Variants in TTLL5 observed in about 807,000 individuals in gnomAD.
The protein encoded by TTLL5 is tubulin tyrosine ligase like 5.
In TTLL5, 132 loss-of-function variants were observed where a neutral mutation model predicts 168.4. The ratio of observed to expected loss-of-function variants is 0.78; its 90% CI spans 0.68 to 0.91. The LOEUF (loss-of-function observed/expected upper bound fraction) is 0.91. TTLL5 is among the 40% of genes least tolerant of loss of function. TTLL5 has a pLI of 0.00. For missense variants in TTLL5, 1,545 were observed against 1,581.5 expected (o/e 0.98, Z 0.39); for synonymous variants, 546 against 558.6 (o/e 0.98, Z 0.32).
intron 28 of TTLL5, among the ~76,000 whole-genome samples, chr14:75,841,217 C>A (rs1896220289): frequency 6.6e-6 from 1 of 152,182 alleles, no homozygotes; most frequent in Admixed American, 6.5e-5. Flanking sequence ...AACAGCCAAA[C>A]CGTATCACCT....
chr14:75,775,667 C>T, intron 22 of TTLL5, 37 bp downstream of exon 22: 1 of 1,610,084 alleles, frequency 6.2e-7, no homozygotes, highest in Non-Finnish European at 8.5e-7. Flanking sequence ...CTTTGGATTG[C>T]CATACACTGT....
intron 7 of TTLL5, among the ~76,000 whole-genome samples, chr14:75,704,148 A>G (rs1566820864): frequency 6.6e-6 from 1 of 152,250 alleles, no homozygotes; most frequent in Non-Finnish European, 1.5e-5. Flanking sequence ...ACTCAGGTCC[A>G]GATGATTCCA....
chr14:75,690,350 T>C, intron 6 of TTLL5, 28 bp downstream of exon 6: 1 of 1,569,840 alleles, frequency 6.4e-7, no homozygotes, highest in South Asian at 1.2e-5. Flanking sequence ...AATGCCCCAG[T>C]CCCCAGCAAC....
chr14:75,911,242 C>T (rs971855073), intron 31 of TTLL5, among the ~76,000 whole-genome samples: 15 of 151,906 alleles, frequency 9.9e-5, no homozygotes, highest in African/African-American at 2.2e-4. Context: ...CATGTTGGCC[C>T]GGCTGGCCTC....
intron 31 of TTLL5, among the ~76,000 whole-genome samples, chr14:75,905,801 G>A (rs1294255673): frequency 6.6e-6 from 1 of 152,208 alleles, no homozygotes; most frequent in African/African-American, 2.4e-5. Flanking sequence ...GTAGGAGTCT[G>A]AAGCCGCAGC....
intron 6 of TTLL5, among the ~76,000 whole-genome samples, chr14:75,694,700 A>T (rs1885708022): frequency 6.6e-6 from 1 of 152,236 alleles, no homozygotes; most frequent in Non-Finnish European, 1.5e-5. Context: ...AGTAACATAA[A>T]TTGTGAAGAT....
intron 21 of TTLL5, 55 bp downstream of exon 21, chr14:75,771,909 GTA>G: frequency 1.4e-6 from 2 of 1,432,870 alleles, no homozygotes; most frequent in Non-Finnish European, 1.8e-6. Flanking sequence ...TCTTCTTTCT[GTA>G]TTTTTTTTTT....
intron 31 of TTLL5, among the ~76,000 whole-genome samples, chr14:75,934,209 G>A (rs1181158562): frequency 6.6e-6 from 1 of 152,196 alleles, no homozygotes; most frequent in Non-Finnish European, 1.5e-5. Flanking sequence ...CTCTTTGTTA[G>A]AAGTGATTCC....
At chr14:75,914,748 T>C (rs904685958) in intron 31 of TTLL5, among the ~76,000 whole-genome samples, 51 of 151,604 alleles carry the variant, frequency 3.4e-4, no homozygotes, top group African/African-American at 1.1e-3. Flanking sequence ...CTCAGCCTCC[T>C]GAGTAGCTGG....
chr14:75,822,142 T>C, intron 28 of TTLL5, among the ~76,000 whole-genome samples: 1 of 152,364 alleles, frequency 6.6e-6, no homozygotes, highest in Non-Finnish European at 1.5e-5. Flanking sequence ...GCATACAACC[T>C]GCACAGCCCA....
chr14:75,905,657 GCCTT>G (rs1469085786), intron 31 of TTLL5, among the ~76,000 whole-genome samples: 2 of 152,218 alleles, frequency 1.3e-5, no homozygotes, highest in African/African-American at 2.4e-5. Context: ...AAAGTCGTTG[GCCTT>G]CCTTCTTTAT....
intron 28 of TTLL5, among the ~76,000 whole-genome samples, chr14:75,830,182 A>T (rs1303483773): frequency 5.3e-5 from 8 of 152,260 alleles, no homozygotes; most frequent in African/African-American, 9.6e-5. Context: ...ATTAAAACAA[A>T]TTTTTTCAAG....
intron 29 of TTLL5, among the ~76,000 whole-genome samples, chr14:75,871,288 C>T (rs1408224028): frequency 6.6e-6 from 1 of 152,088 alleles, no homozygotes; most frequent in Non-Finnish European, 1.5e-5. Context: ...TAAATGCTTC[C>T]TGTGCACCAG....
Position 75,663,116 on chromosome 14 carries a change from C to T in TTLL5, c.-34C>T. 1 of 1,606,068 alleles carries T rather than the reference C, an allele frequency of 6.2e-7. No individual in the cohort carries two copies. Among genetic ancestry groups the T allele is most frequent in the Non-Finnish European group, 8.5e-7 (1 of 1,174,490 alleles). On this transcript the variant is annotated 5_prime_UTR_variant, in exon 2 of 32. Transcript: ENST00000298832. ...CTGCTAGGAAAGGTCTCTGAGGCCC[C>T]CGTCTGCTGACTGCATGACAAACCC...
At chr14:75,780,056 G>A (rs1204825033) in intron 24 of TTLL5, among the ~76,000 whole-genome samples, 1 of 152,164 alleles carries the variant, frequency 6.6e-6, no homozygotes, top group Non-Finnish European at 1.5e-5. Context: ...CTTTACAGAT[G>A]AGAAAATAAG....
intron 30 of TTLL5, among the ~76,000 whole-genome samples, chr14:75,901,438 G>T (rs2032916737): frequency 6.6e-6 from 1 of 152,232 alleles, no homozygotes; most frequent in Non-Finnish European, 1.5e-5. Flanking sequence ...TCTGCCCAAA[G>T]AATCAGATAT....
intron 3 of TTLL5, among the ~76,000 whole-genome samples, chr14:75,669,918 C>T (rs1409589532): frequency 6.6e-6 from 1 of 152,156 alleles, no homozygotes; most frequent in African/African-American, 2.4e-5. Context: ...TCCCCAGCCC[C>T]CATACCACCA....
chr14:75,747,673 T>G (rs61980793), intron 17 of TTLL5, among the ~76,000 whole-genome samples: 20,704 of 152,106 alleles, frequency 0.14, 1,499 homozygotes, highest in African/African-American at 0.16. Flanking sequence ...CTAAAGAGTC[T>G]TTTGAGGTGT....
At chr14:75,894,241 T>A (rs540339623) in intron 30 of TTLL5, among the ~76,000 whole-genome samples, 2 of 152,158 alleles carry the variant, frequency 1.3e-5, no homozygotes, top group East Asian at 3.9e-4. Context: ...ATTAATTCAG[T>A]GGAAGATAGG....
Sources: allele counts gnomAD v4.1 joint callset (sites outside exome capture counted in the v4.1 genomes callset), GRCh38; gene constraint gnomAD v4.1.1; transcripts MANE v1.5; gene names NCBI Gene and HGNC (gene_info 2026-07-23, HGNC 2026-07-21).